GSAP: variants seen among roughly 807,000 people sequenced by gnomAD.
GSAP encodes the protein gamma-secretase-activating protein.
Under a neutral mutation model 131.7 loss-of-function variants are expected in GSAP, and 118 were observed. That is an observed-to-expected ratio of 0.90 (90% confidence interval 0.77 to 1.04). The LOEUF (loss-of-function observed/expected upper bound fraction) is 1.04. Ranked by LOEUF, GSAP falls within the 50% of genes least tolerant of loss-of-function variation. GSAP has a pLI of 0.00. For missense variants in GSAP, 1,019 were observed against 1,013.2 expected (o/e 1.01, Z -0.08); for synonymous variants, 381 against 363.4 (o/e 1.05, Z -0.55).
intron 14 of GSAP, among the ~76,000 whole-genome samples, 179 bp downstream of exon 14, chr7:77,360,645 A>G (rs1794398568): frequency 6.6e-6 from 1 of 152,228 alleles, no homozygotes; most frequent in South Asian, 2.1e-4. Flanking sequence ...TAAGGAGTTG[A>G]GAGGCAAGGG....
intron 26 of GSAP, among the ~76,000 whole-genome samples, chr7:77,318,618 G>A (rs535888643): frequency 2.0e-5 from 3 of 152,218 alleles, no homozygotes; most frequent in South Asian, 2.1e-4. Flanking sequence ...GGAAAGGATC[G>A]TGTATCTCTG....
At position 77,311,842 on chromosome 7, in the gene GSAP, T is replaced by G. The variant is rs776482635; in HGVS notation, c.2472A>C (p.Gln824His). 6.9e-7 allele frequency: 1 copy of G among 1,451,298 alleles called. No homozygotes were observed. The allele number at this position is 1,451,298 out of a possible 1,614,324, so 89.9% of individuals were successfully genotyped here. A position where few individuals can be genotyped will look rare whatever the true frequency, so the allele number is the denominator to read the frequency against. The stretch of plus-strand genomic sequence containing the variant: ...CCTGAGAACAGGGGAGTAAATTACC[T>G]TGATTGGAGGACTCTATATCTGTCA... ...EILTDIESSN[Q>H]ALYPFEGHDN... Residue 824 changes from glutamine (Q) to histidine (H), a missense_variant and splice_region_variant, in exon 30 of 31, where the codon CAA becomes CAC. Physicochemically the swap from Gln to His is conservative, Grantham distance 24 (BLOSUM62 0). Coordinates refer to ENST00000257626, the MANE Select transcript of GSAP (RefSeq NM_017439.4).
intron 28 of GSAP, among the ~76,000 whole-genome samples, chr7:77,312,854 C>T (rs1243111389): frequency 1.3e-5 from 2 of 152,182 alleles, no homozygotes; most frequent in East Asian, 3.8e-4. Flanking sequence ...CTCTCCAGGT[C>T]AGGAAGTTTG....
chr7:77,407,786 C>T (rs1802558047), intron 1 of GSAP, among the ~76,000 whole-genome samples: 1 of 152,048 alleles, frequency 6.6e-6, no homozygotes, highest in Non-Finnish European at 1.5e-5. Context: ...GAAATATATA[C>T]ATATATTTAG....
intron 5 of GSAP, 124 bp downstream of exon 5, chr7:77,396,858 C>T: frequency 3.7e-6 from 2 of 547,902 alleles, no homozygotes; most frequent in East Asian, 3.2e-5. Flanking sequence ...TGACCTTTGC[C>T]TTTTATTCTG....
intron 19 of GSAP, among the ~76,000 whole-genome samples, chr7:77,342,951 A>G (rs1232735887): frequency 1.3e-5 from 2 of 152,024 alleles, no homozygotes; most frequent in African/African-American, 4.8e-5. Flanking sequence ...AACCTAGTTG[A>G]CCCCATAGAT....
Position 77,408,649 on chromosome 7 carries a change from C to T in GSAP, c.110-2544G>A, listed in dbSNP as rs966720560. Among the ~76,000 whole-genome samples the T allele has an allele frequency of 4.7e-5, 6 of 128,160 alleles. No individual in the cohort carries two copies. In the East Asian group the frequency reaches 1.3e-3, roughly 29 times the overall value. 84.1% of individuals were successfully genotyped at this position (128,160 alleles called of 152,430 possible). ...CCAGGAGGTGGAGGTTGCAATGAGC[C>T]GGGATTGAGCCATTGCACTTCAGAC... On this transcript the variant is annotated intron_variant, in intron 1 of 30. Transcript: ENST00000257626.
intron 8 of GSAP, among the ~76,000 whole-genome samples, chr7:77,380,225 T>C (rs1231379170): frequency 6.6e-6 from 1 of 152,160 alleles, no homozygotes; most frequent in South Asian, 2.1e-4. Flanking sequence ...ACTCATCCAA[T>C]TGGAAATTTT....
At chr7:77,324,772 C>T (rs1434475119) in intron 23 of GSAP, among the ~76,000 whole-genome samples, 6 of 150,018 alleles carry the variant, frequency 4.0e-5, no homozygotes, top group Non-Finnish European at 5.9e-5. Context: ...TTTTTCCTGG[C>T]GTGCACACCC....
At chr7:77,414,938 A>T (rs1306511883) in intron 1 of GSAP, among the ~76,000 whole-genome samples, 7 of 134,902 alleles carry the variant, frequency 5.2e-5, no homozygotes, top group Non-Finnish European at 1.1e-4. Context: ...GCTCACTGCA[A>T]CCTCTGCCTC....
At chr7:77,331,089 G>A (rs1231634447) in intron 19 of GSAP, among the ~76,000 whole-genome samples, 2 of 152,134 alleles carry the variant, frequency 1.3e-5, no homozygotes, top group African/African-American at 4.8e-5. Flanking sequence ...TGAGGTGGGC[G>A]GATCACGAAG....
intron 5 of GSAP, among the ~76,000 whole-genome samples, chr7:77,393,302 T>C (rs766522617): frequency 9.9e-5 from 15 of 152,178 alleles, no homozygotes; most frequent in Non-Finnish European, 2.2e-4. Context: ...ATAAATCCTA[T>C]AGTGCTTTCT....
intron 6 of GSAP, among the ~76,000 whole-genome samples, chr7:77,384,632 T>C (rs1798279512): frequency 6.6e-6 from 1 of 152,096 alleles, no homozygotes; most frequent in Non-Finnish European, 1.5e-5. Flanking sequence ...ACACACCTTG[T>C]GCTGGAAGGA....
chr7:77,400,018 G>A (rs1801058062), intron 3 of GSAP, among the ~76,000 whole-genome samples: 1 of 152,124 alleles, frequency 6.6e-6, no homozygotes, highest in Admixed American at 6.5e-5. Flanking sequence ...AGGAAACATA[G>A]CAAGAGAGAA....
chr7:77,341,768 A>G (rs1790934127), intron 19 of GSAP, among the ~76,000 whole-genome samples: 1 of 152,220 alleles, frequency 6.6e-6, no homozygotes, highest in Non-Finnish European at 1.5e-5. Context: ...CAAACCCCAT[A>G]ACAGGACTTA....
intron 24 of GSAP, among the ~76,000 whole-genome samples, chr7:77,321,637 A>C (rs2150623417): frequency 6.6e-6 from 1 of 152,318 alleles, no homozygotes; most frequent in Non-Finnish European, 1.5e-5. Context: ...GCAGTGCCCC[A>C]GCTCAGCCTC....
rs117511014 is a variant in GSAP, at chr7:77,348,502, G to A, written c.1545+849C>T. ...CCACAGCCTTCCCCCAGCTGTCCAG[G>A]CCCGGCCTGCCCTTCACAGATACAA... On this transcript the variant is annotated intron_variant, in intron 19 of 30. Coordinates refer to ENST00000257626, the MANE Select transcript of GSAP (RefSeq NM_017439.4). Among the ~76,000 whole-genome samples the A allele has an allele frequency of 5.8e-3, 877 of 152,148 alleles. 21 individuals are homozygous for A. The highest frequency in any genetic ancestry group is 0.043 in the Admixed American group (652 of 15,284).
chr7:77,415,258 T>C (rs976626358), intron 1 of GSAP, among the ~76,000 whole-genome samples: 9 of 152,212 alleles, frequency 5.9e-5, no homozygotes, highest in African/African-American at 2.2e-4. Flanking sequence ...AAGAAAACTT[T>C]CACCAGCGTT....
chr7:77,384,791 T>C (rs1262763856), intron 6 of GSAP, among the ~76,000 whole-genome samples: 2 of 151,988 alleles, frequency 1.3e-5, no homozygotes, highest in Non-Finnish European at 2.9e-5. Flanking sequence ...AAAAAGGAAA[T>C]TGATCCCAGG....
Sources: allele counts gnomAD v4.1 joint callset (sites outside exome capture counted in the v4.1 genomes callset), GRCh38; gene constraint gnomAD v4.1.1; transcripts MANE v1.5; gene names NCBI Gene and HGNC (gene_info 2026-07-23, HGNC 2026-07-21).